The following UST variants were observed in gnomAD, a reference collection of about 807,000 sequenced individuals.
The protein encoded by UST is chondroitin sulfate 2-O-sulfotransferase.
Under a neutral mutation model 45.6 loss-of-function variants are expected in UST, and 21 were observed. That is an observed-to-expected ratio of 0.46 (90% CI 0.33 to 0.66). UST has a LOEUF of 0.66. Ranked by LOEUF, UST falls within the 30% of genes least tolerant of loss-of-function variation. The probability of loss-of-function intolerance (pLI) is 0.02; values close to 1 mark genes in which losing one functional copy is unlikely to be tolerated. For synonymous variants in UST, 215 were observed against 200.6 expected (o/e 1.07, Z -0.61); for missense variants, 463 against 512.4 (o/e 0.90, Z 0.93).
chr6:148,958,342 T>C (rs1043749460), intron 4 of UST, among the ~76,000 whole-genome samples: 2 of 152,202 alleles, frequency 1.3e-5, no homozygotes, highest in Non-Finnish European at 2.9e-5. Flanking sequence ...CGGGGACTTA[T>C]GCACAGCGAG....
chr6:148,933,260 C>CTA (rs1779956104), intron 2 of UST, among the ~76,000 whole-genome samples: 1 of 152,182 alleles, frequency 6.6e-6, no homozygotes, highest in African/African-American at 2.4e-5. Context: ...ACAGCACTTA[C>CTA]TATAATCGTA....
At chr6:148,978,179 AT>A (rs1445056874) in intron 5 of UST, among the ~76,000 whole-genome samples, 1 of 152,094 alleles carries the variant, frequency 6.6e-6, no homozygotes, top group Non-Finnish European at 1.5e-5. Context: ...CCAGGTGATA[AT>A]TTTATCTTTC....
At chr6:149,004,854 G>A (rs1484251963) in intron 5 of UST, among the ~76,000 whole-genome samples, 1 of 152,176 alleles carries the variant, frequency 6.6e-6, no homozygotes, top group African/African-American at 2.4e-5. Flanking sequence ...GTGTGAGAGA[G>A]ACAGAGTGTC....
At chr6:148,844,216 A>G (rs375177487) in intron 1 of UST, among the ~76,000 whole-genome samples, 3 of 152,224 alleles carry the variant, frequency 2.0e-5, no homozygotes, top group East Asian at 1.9e-4. Context: ...TGTGCTAGAC[A>G]TTAAACTAAA....
At chr6:148,899,538 C>T (rs1192116567) in intron 2 of UST, among the ~76,000 whole-genome samples, 3 of 152,178 alleles carry the variant, frequency 2.0e-5, no homozygotes, top group Admixed American at 6.5e-5. Flanking sequence ...CCCACAATGC[C>T]ACCACGCAAG....
intron 1 of UST, among the ~76,000 whole-genome samples, chr6:148,824,147 T>C (rs1430702370): frequency 1.3e-5 from 2 of 152,218 alleles, no homozygotes; most frequent in Non-Finnish European, 2.9e-5. Flanking sequence ...TGAGTGTATT[T>C]AGCTTCATGA....
chr6:148,932,472 A>G (rs542626978), intron 2 of UST, among the ~76,000 whole-genome samples: 3 of 152,338 alleles, frequency 2.0e-5, no homozygotes, highest in Middle Eastern at 3.4e-3. Flanking sequence ...ACAGAAGCTT[A>G]AAGGGTACTG....
At chr6:148,797,403 A>T (rs1396168214) in intron 1 of UST, among the ~76,000 whole-genome samples, 2 of 152,260 alleles carry the variant, frequency 1.3e-5, no homozygotes, top group African/African-American at 4.8e-5. Context: ...CTTACAAATA[A>T]ATCCAAAGGT....
chr6:148,893,844 C>T (rs1422724259), intron 2 of UST, among the ~76,000 whole-genome samples: 1 of 152,156 alleles, frequency 6.6e-6, no homozygotes, highest in Non-Finnish European at 1.5e-5. Flanking sequence ...ATAGGAGGAA[C>T]TAACTAGGTC....
intron 5 of UST, among the ~76,000 whole-genome samples, chr6:148,970,649 G>T (rs1416560147): frequency 1.3e-5 from 2 of 152,170 alleles, no homozygotes; most frequent in African/African-American, 4.8e-5. Flanking sequence ...GGAAGCACAT[G>T]AACCACAGCA....
intron 1 of UST, among the ~76,000 whole-genome samples, chr6:148,751,528 A>G (rs1775992220): frequency 6.6e-6 from 1 of 152,210 alleles, no homozygotes; most frequent in Non-Finnish European, 1.5e-5. Context: ...AAGGCAGAGT[A>G]TGTTCTACTT....
chr6:149,044,065 T>C (rs1480995650), intron 7 of UST, among the ~76,000 whole-genome samples: 1 of 152,226 alleles, frequency 6.6e-6, no homozygotes, highest in Non-Finnish European at 1.5e-5. Flanking sequence ...TTCACAGCCT[T>C]TAAGTGACTA....
At chr6:149,026,688 T>C (rs894524207) in intron 7 of UST, among the ~76,000 whole-genome samples, 1 of 152,222 alleles carries the variant, frequency 6.6e-6, no homozygotes, top group Non-Finnish European at 1.5e-5. Context: ...CCACCTAGCA[T>C]CCAGACATAG....
rs1281918928 is a variant in UST, at chr6:148,790,271, A to G, written c.247+42594A>G. 4.6e-5 allele frequency among the ~76,000 whole-genome samples: 7 copies of G among 151,876 alleles called. No homozygotes were observed. Among genetic ancestry groups the G allele is most frequent in the African/African-American group, 1.7e-4 (7 of 41,376 alleles). On this transcript the variant is annotated intron_variant, in intron 1 of 7. Transcript: ENST00000367463. This position sits in a 1 kb window ranked among gnomAD's most constrained non-coding sequence, Gnocchi z 4.2. ...CACTCCGTGCTCTTCTGTGCCTCCA[A>G]CTGGAATGAAAGCTTCTGGGAGTAG...
chr6:148,961,136 T>G (rs1780648894), intron 4 of UST, among the ~76,000 whole-genome samples: 1 of 152,080 alleles, frequency 6.6e-6, no homozygotes, highest in Non-Finnish European at 1.5e-5. Flanking sequence ...GAGTAAAAAT[T>G]TAAAAAATAC....
chr6:149,000,805 A>G (rs1366540486), intron 5 of UST, among the ~76,000 whole-genome samples: 1 of 152,226 alleles, frequency 6.6e-6, no homozygotes, highest in African/African-American at 2.4e-5. Context: ...AAATATGGTT[A>G]TTGAAGTAAA....
intron 1 of UST, among the ~76,000 whole-genome samples, chr6:148,856,524 G>A (rs1778208658): frequency 6.6e-6 from 1 of 152,200 alleles, no homozygotes; most frequent in African/African-American, 2.4e-5. Flanking sequence ...CACCAACCTA[G>A]CATGTCCTGC....
intron 7 of UST, among the ~76,000 whole-genome samples, chr6:149,025,773 A>G (rs1190705594): frequency 6.6e-6 from 1 of 152,150 alleles, no homozygotes; most frequent in African/African-American, 2.4e-5. Context: ...CATTTTGGGA[A>G]GCCAAGGCAG....
intron 7 of UST, among the ~76,000 whole-genome samples, chr6:149,070,133 TAAC>T (rs2087965473): frequency 6.6e-6 from 1 of 152,212 alleles, no homozygotes; most frequent in Admixed American, 6.5e-5. Flanking sequence ...GTGTATCAGA[TAAC>T]AAAACCCTAC....
Sources: gnomAD v4.1 joint callset for allele counts (sites outside exome capture counted in the v4.1 genomes callset) on GRCh38, gnomAD v4.1.1 for gene constraint, Gnocchi (gnomAD v3.1) non-coding constraint, MANE v1.5 for transcripts, NCBI Gene and HGNC (gene_info 2026-07-23, HGNC 2026-07-21) for gene names.